ARHGEF3: variants seen among roughly 807,000 people sequenced by gnomAD.
ARHGEF3 encodes the protein Rho guanine nucleotide exchange factor 3.
Under a neutral mutation model 63.2 loss-of-function variants are expected in ARHGEF3, and 28 were observed. That is an observed-to-expected ratio of 0.44 (90% CI 0.33 to 0.61). The LOEUF (loss-of-function observed/expected upper bound fraction) is 0.61, where lower values mean the gene tolerates loss of function less well. ARHGEF3 is among the 20% of genes least tolerant of loss of function. The probability of loss-of-function intolerance (pLI) is 0.03; values close to 1 mark genes in which losing one functional copy is unlikely to be tolerated. For missense variants in ARHGEF3, 533 were observed against 659.3 expected, an observed-to-expected ratio of 0.81 and a Z score of 2.10; for synonymous variants, 266 against 254.2, an observed-to-expected ratio of 1.05 and a Z score of -0.44.
intron 1 of ARHGEF3, among the ~76,000 whole-genome samples, chr3:57,055,562 T>C (rs1704891274): frequency 6.6e-6 from 1 of 152,218 alleles, no homozygotes; most frequent in Non-Finnish European, 1.5e-5. Context: ...TGATTTGCCT[T>C]GCACATTTAG....
At chr3:56,940,904 T>C (rs192123732) in intron 3 of ARHGEF3, 2 of 152,208 alleles carry the variant, frequency 1.3e-5, no homozygotes, top group South Asian at 2.1e-4. Context: ...AGAGACCCGA[T>C]GCTCTGAAAT....
chr3:56,748,114 A>G (rs1295116661), intron 6 of ARHGEF3, among the ~76,000 whole-genome samples: 2 of 152,186 alleles, frequency 1.3e-5, no homozygotes, highest in African/African-American at 4.8e-5. Flanking sequence ...GGCTTACTGC[A>G]GCCTCTTCTT....
chr3:56,832,089 T>C (rs2038951389), intron 4 of ARHGEF3, among the ~76,000 whole-genome samples: 1 of 134,162 alleles, frequency 7.5e-6, no homozygotes, highest in Non-Finnish European at 1.7e-5. Context: ...CAGGATCCAG[T>C]GGGATCTTAG....
intron 1 of ARHGEF3, among the ~76,000 whole-genome samples, chr3:56,790,592 A>C (rs530630737): frequency 1.2e-4 from 18 of 152,302 alleles, no homozygotes; most frequent in Non-Finnish European, 1.8e-4. Context: ...AAAAATTAAA[A>C]ATAGTCTTCC....
intron 4 of ARHGEF3, among the ~76,000 whole-genome samples, chr3:56,819,894 G>T (rs62249773): frequency 0.11 from 16,289 of 144,856 alleles, 1,012 homozygotes; most frequent in Admixed American, 0.23. Context: ...ACTACAGCCT[G>T]GACCTCCTGG....
chr3:56,955,435 T>C (rs1163508248), intron 3 of ARHGEF3, among the ~76,000 whole-genome samples: 1 of 152,102 alleles, frequency 6.6e-6, no homozygotes, highest in Non-Finnish European at 1.5e-5. Flanking sequence ...ACTCCTGGGC[T>C]CAAATGATTC....
intron 2 of ARHGEF3, among the ~76,000 whole-genome samples, chr3:57,010,641 T>A (rs1702659523): frequency 6.6e-6 from 1 of 152,156 alleles, no homozygotes; most frequent in African/African-American, 2.4e-5. Flanking sequence ...AACCTGTACC[T>A]GACATGCCAA....
intron 3 of ARHGEF3, among the ~76,000 whole-genome samples, chr3:56,955,352 C>T (rs145874085): frequency 4.6e-4 from 67 of 144,318 alleles, no homozygotes; most frequent in Non-Finnish European, 4.7e-5. Flanking sequence ...TAGGTCATCA[C>T]GCCCAGCTAA....
chr3:56,747,830 G>C (rs1378789744), intron 6 of ARHGEF3, among the ~76,000 whole-genome samples: 2 of 152,068 alleles, frequency 1.3e-5, no homozygotes, highest in Admixed American at 6.5e-5. Context: ...TCGGAAAAAA[G>C]GACAGACTCA....
chr3:56,730,737 G>A (rs1238642713), intron 9 of ARHGEF3, among the ~76,000 whole-genome samples: 1 of 152,174 alleles, frequency 6.6e-6, no homozygotes, highest in African/African-American at 2.4e-5. Flanking sequence ...CGTGCCACAT[G>A]CAATGCTTGG....
intron 1 of ARHGEF3, among the ~76,000 whole-genome samples, chr3:57,044,704 T>C (rs868697363): frequency 4.2e-4 from 64 of 152,180 alleles, no homozygotes; most frequent in Admixed American, 3.2e-3. Context: ...GGGGAGAAGG[T>C]TAGTCAGTCC....
chr3:56,915,686 A>C (rs988913536), intron 3 of ARHGEF3, among the ~76,000 whole-genome samples: 3 of 152,164 alleles, frequency 2.0e-5, no homozygotes, highest in African/African-American at 4.8e-5. Flanking sequence ...ATCAAGTCTG[A>C]GTCTCCACTG....
intron 3 of ARHGEF3, among the ~76,000 whole-genome samples, chr3:56,950,442 G>C (rs571190521): frequency 1.3e-5 from 2 of 151,874 alleles, no homozygotes; most frequent in South Asian, 4.2e-4. Flanking sequence ...AAGAAAAAAA[G>C]AAACAACCCC....
intron 3 of ARHGEF3, among the ~76,000 whole-genome samples, chr3:56,945,378 G>T (rs1699432614): frequency 6.6e-6 from 1 of 152,118 alleles, no homozygotes; most frequent in Non-Finnish European, 1.5e-5. Flanking sequence ...TAAAAGAAAG[G>T]GGTGACAGAT....
intron 3 of ARHGEF3, among the ~76,000 whole-genome samples, chr3:56,956,433 T>C (rs1281064369): frequency 6.6e-6 from 1 of 151,978 alleles, no homozygotes; most frequent in Non-Finnish European, 1.5e-5. Flanking sequence ...GTTAGAGAGA[T>C]TTGGCAAGGA....
At chr3:56,954,316 C>A (rs566060076) in intron 3 of ARHGEF3, among the ~76,000 whole-genome samples, 1 of 152,292 alleles carries the variant, frequency 6.6e-6, no homozygotes, top group South Asian at 2.1e-4. Context: ...AGTGCCTCCA[C>A]CCCACCCCAA....
chr3:56,770,863 G>T (rs1379857520), intron 2 of ARHGEF3, among the ~76,000 whole-genome samples: 2 of 152,138 alleles, frequency 1.3e-5, no homozygotes, highest in South Asian at 2.1e-4. Flanking sequence ...AACTTATTTT[G>T]CACTTTGGGA....
At chr3:56,876,265 C>G (rs375768273) in intron 4 of ARHGEF3, among the ~76,000 whole-genome samples, 1 of 151,996 alleles carries the variant, frequency 6.6e-6, no homozygotes, top group Non-Finnish European at 1.5e-5. Context: ...GTCTGGGAAC[C>G]TAGAGGCAGG....
chr3:56,900,594 C>T (rs1017561640), intron 3 of ARHGEF3, among the ~76,000 whole-genome samples: 26 of 152,180 alleles, frequency 1.7e-4, no homozygotes, highest in African/African-American at 6.3e-4. Context: ...CACACCACTG[C>T]ACTCCAGCCT....
Sources: gnomAD v4.1 joint callset for allele counts (sites outside exome capture counted in the v4.1 genomes callset) on GRCh38, gnomAD v4.1.1 for gene constraint, MANE v1.5 for transcripts, NCBI Gene and HGNC (gene_info 2026-07-23, HGNC 2026-07-21) for gene names.